Variants in IFT140 observed in about 807,000 individuals in gnomAD.
IFT140 encodes the protein intraflagellar transport protein 140 homolog.
In IFT140, 133 loss-of-function variants were observed where a neutral mutation model predicts 164.6. The observed-to-expected ratio is 0.81, with a 90% CI of 0.70 to 0.93. The LOEUF (loss-of-function observed/expected upper bound fraction) is 0.93. Ranked by LOEUF, IFT140 falls within the 40% of genes least tolerant of loss-of-function variation. IFT140 has a pLI of 0.00. For synonymous variants in IFT140, 860 were observed against 817.3 expected (o/e 1.05, Z -0.89); for missense variants, 2,045 against 1,972.3 (o/e 1.04, Z -0.70).
At chr16:1,544,900 G>A (rs1317699771) in intron 19 of IFT140, among the ~76,000 whole-genome samples, 57 of 151,824 alleles carry the variant, frequency 3.8e-4, no homozygotes, top group South Asian at 8.3e-4. Flanking sequence ...CGCCCGCCTC[G>A]GCCTCCCAAA....
chr16:1,595,732 C>A (rs1462108269), intron 4 of IFT140, among the ~76,000 whole-genome samples: 1 of 152,062 alleles, frequency 6.6e-6, no homozygotes, highest in Non-Finnish European at 1.5e-5. Flanking sequence ...ATTCTTGACT[C>A]TAACAGCTTG....
intron 1 of IFT140, among the ~76,000 whole-genome samples, chr16:1,611,706 C>T (rs1382776020): frequency 2.0e-5 from 3 of 148,024 alleles, no homozygotes; most frequent in Non-Finnish European, 4.5e-5. Context: ...TCCAACTACT[C>T]GGGAGGCTGA....
chr16:1,516,177 A>AAC (rs2040337740), intron 30 of IFT140, among the ~76,000 whole-genome samples: 1 of 115,160 alleles, frequency 8.7e-6, no homozygotes, highest in Admixed American at 9.0e-5. Context: ...AAAAAAAAAA[A>AAC]ACACCAGAAA....
At chr16:1,593,050 G>A (rs1009368667) in intron 4 of IFT140, among the ~76,000 whole-genome samples, 8 of 151,800 alleles carry the variant, frequency 5.3e-5, no homozygotes, top group East Asian at 1.9e-4. Flanking sequence ...GTGACTGGTG[G>A]TGGGACAGGT....
intron 19 of IFT140, chr16:1,554,946 C>CCG: frequency 6.2e-7 from 1 of 1,614,138 alleles, no homozygotes; most frequent in Non-Finnish European, 8.5e-7. Context: ...CATGGCCCCC[C>CCG]GGGTGATTGT....
intron 14 of IFT140, among the ~76,000 whole-genome samples, chr16:1,570,969 TTGGTCTCAAA>T (rs1051301128): frequency 5.3e-5 from 8 of 152,212 alleles, no homozygotes; most frequent in Admixed American, 3.9e-4. Flanking sequence ...GTTGCCCAGG[TTGGTCTCAAA>T]CTCCTGGGCT....
chr16:1,599,474 G>A (rs1419823554), intron 4 of IFT140, among the ~76,000 whole-genome samples: 3 of 94,066 alleles, frequency 3.2e-5, no homozygotes, highest in Admixed American at 1.0e-4. Flanking sequence ...GGAGGTGGGG[G>A]GGTCGGCCCC....
intron 19 of IFT140, among the ~76,000 whole-genome samples, chr16:1,552,131 T>C (rs569368579): frequency 6.6e-6 from 1 of 152,266 alleles, no homozygotes; most frequent in Non-Finnish European, 1.5e-5. Flanking sequence ...CCCCTGAGAT[T>C]TTAAACACGT....
intron 4 of IFT140, among the ~76,000 whole-genome samples, chr16:1,594,838 G>A (rs998460589): frequency 3.9e-5 from 6 of 152,212 alleles, no homozygotes; most frequent in Admixed American, 6.5e-5. Flanking sequence ...CCCAGGGGAC[G>A]CTTCCTGGCC....
intron 17 of IFT140, among the ~76,000 whole-genome samples, chr16:1,562,555 C>T (rs1361750418): frequency 1.3e-5 from 2 of 152,206 alleles, no homozygotes; most frequent in African/African-American, 2.4e-5. Flanking sequence ...GGGCGGATCA[C>T]GAGGTCAGGA....
chr16:1,553,502 G>A lies in IFT140; in HGVS notation c.2399+4433C>T. Reference sequence around the variant, plus strand: ...AGGGACAGCAGTGGGGCTCGGCGTGGCCGGAGCCTGGGGAGGGACATGGAC... The same window carrying A: ...AGGGACAGCAGTGGGGCTCGGCGTGACCGGAGCCTGGGGAGGGACATGGAC... On this transcript the variant is annotated intron_variant, in intron 19 of 30. Coordinates refer to ENST00000426508, the MANE Select transcript of IFT140 (RefSeq NM_014714.4). The surrounding 1 kb of genome is among the most constrained non-coding windows in gnomAD (Gnocchi z 4.4). 2 of 985,460 alleles carry A rather than the reference G, an allele frequency of 2.0e-6. No individual in the cohort carries two copies. Among genetic ancestry groups the A allele is most frequent in the Non-Finnish European group, 2.4e-6 (2 of 829,936 alleles). The allele number at this position is 985,460 out of a possible 1,614,324, so 61.0% of individuals were successfully genotyped here.
At chr16:1,583,662 C>T (rs1032034555) in intron 11 of IFT140, among the ~76,000 whole-genome samples, 1 of 149,878 alleles carries the variant, frequency 6.7e-6, no homozygotes, top group Non-Finnish European at 1.5e-5. Flanking sequence ...CCTCTCTTTC[C>T]TTTATTTACT....
chr16:1,597,107 G>A lies in IFT140; in HGVS notation c.370-4519C>T, dbSNP rs114671003. Among the ~76,000 whole-genome samples, 319 of 152,218 alleles carry A rather than the reference G, an allele frequency of 2.1e-3. 3 individuals carry two copies. The highest frequency in any genetic ancestry group is 7.6e-3 in the African/African-American group (315 of 41,524). On this transcript the variant is annotated intron_variant, in intron 4 of 30. Transcript: ENST00000426508. ...AAAGTGGTGGGTTCTCCAGCGGCAC[G>A]TCACTGGGAAGCTTTGCTAAAGGCT...
intron 30 of IFT140, among the ~76,000 whole-genome samples, chr16:1,516,331 G>A (rs1389302264): frequency 6.6e-6 from 1 of 152,072 alleles, no homozygotes; most frequent in Non-Finnish European, 1.5e-5. Context: ...GACAAATACA[G>A]GTGGGGACAC....
rs1160630993 is a variant in IFT140, at chr16:1,587,192, C to A, written c.1009+6G>T. The A allele has an allele frequency of 6.3e-6, 10 of 1,578,744 alleles. No homozygotes were observed. The highest frequency in any genetic ancestry group is 8.7e-6 in the Non-Finnish European group (10 of 1,148,152). On this transcript the variant is annotated splice_donor_region_variant and intron_variant, in intron 9 of 30. Transcript: ENST00000426508. ...GTTTCTCTTGTGCCAGGCCAGGAAGCCTCACCTTTGACTTTACAGTAACAC... is the reference window on the plus strand; with the variant it reads ...GTTTCTCTTGTGCCAGGCCAGGAAGACTCACCTTTGACTTTACAGTAACAC...
intron 14 of IFT140, among the ~76,000 whole-genome samples, chr16:1,569,528 TTC>T (rs926401460): frequency 1.4e-5 from 2 of 147,454 alleles, no homozygotes; most frequent in East Asian, 2.0e-4. Flanking sequence ...CTTTCTTTCT[TTC>T]TCTCTTTTTG....
intron 19 of IFT140, 142 bp downstream of exon 19, chr16:1,557,793 G>T: frequency 1.2e-6 from 1 of 825,298 alleles, no homozygotes; most frequent in Non-Finnish European, 1.9e-6. Flanking sequence ...ATTTCATCGA[G>T]TGGGAAGACC....
chr16:1,519,154 C>T (rs1184552440), intron 29 of IFT140, among the ~76,000 whole-genome samples: 3 of 152,242 alleles, frequency 2.0e-5, no homozygotes, highest in East Asian at 1.9e-4. Context: ...ACCCCAGAAT[C>T]GACACGTGCA....
At chr16:1,602,182 A>G in intron 4 of IFT140, 188 bp downstream of exon 4, 1 of 607,360 alleles carries the variant, frequency 1.6e-6, no homozygotes, top group Non-Finnish European at 2.9e-6. Context: ...AGGTGCAGAC[A>G]CACCTTTGCC....
Sources: allele counts gnomAD v4.1 joint callset (sites outside exome capture counted in the v4.1 genomes callset), GRCh38; gene constraint gnomAD v4.1.1; non-coding constraint Gnocchi (gnomAD v3.1); transcripts MANE v1.5; gene names NCBI Gene and HGNC (gene_info 2026-07-23, HGNC 2026-07-21).